LRRC4C: variants seen among roughly 807,000 people sequenced by gnomAD.
LRRC4C encodes the protein leucine rich repeat containing 4C, also known as leucine-rich repeat-containing protein 4C.
In LRRC4C, 5 loss-of-function variants were observed where a neutral mutation model predicts 33.6. The observed-to-expected ratio is 0.15, with a 90% CI of 0.08 to 0.31. The LOEUF (loss-of-function observed/expected upper bound fraction) is 0.31. Among genes scored for constraint, LRRC4C ranks in the 10% least tolerant of loss-of-function variants. The pLI is 1.00. For synonymous variants in LRRC4C, 329 were observed against 302.0 expected (o/e 1.09, Z -0.93); for missense variants, 560 against 796.7 (o/e 0.70, Z 3.58).
chr11:40,189,398 A>T (rs1376815198), intron 5 of LRRC4C, among the ~76,000 whole-genome samples: 5 of 152,110 alleles, frequency 3.3e-5, no homozygotes, highest in African/African-American at 1.2e-4. Context: ...ATTCCCTAGG[A>T]CAAAAAAATA....
At chr11:40,801,649 A>T (rs748134076) in intron 2 of LRRC4C, among the ~76,000 whole-genome samples, 13 of 152,128 alleles carry the variant, frequency 8.5e-5, no homozygotes, top group Non-Finnish European at 1.5e-4. Flanking sequence ...ATATCTAATA[A>T]TTTTTTAATC....
At chr11:40,220,899 A>G (rs1864362792) in intron 5 of LRRC4C, among the ~76,000 whole-genome samples, 1 of 148,316 alleles carries the variant, frequency 6.7e-6, no homozygotes, top group Non-Finnish European at 1.5e-5. Flanking sequence ...TTCTTGAGAC[A>G]GAGTCTTACT....
At chr11:40,386,539 A>G (rs1314658980) in intron 3 of LRRC4C, among the ~76,000 whole-genome samples, 2 of 152,184 alleles carry the variant, frequency 1.3e-5, no homozygotes, top group African/African-American at 4.8e-5. Flanking sequence ...TCTTTCTTCC[A>G]TCTAGTACTT....
At chr11:40,463,305 GGTGTGTGTGTGTGTGTGT>G (rs33911904) in intron 3 of LRRC4C, among the ~76,000 whole-genome samples, 5 of 144,594 alleles carry the variant, frequency 3.5e-5, no homozygotes, top group Admixed American at 2.1e-4. Context: ...ATGTGTTACT[GGTGTGTGTGTGTGTGTGT>G]GTGTGTGTGT....
At chr11:40,139,833 A>G (rs1434781519) in intron 6 of LRRC4C, among the ~76,000 whole-genome samples, 1 of 152,240 alleles carries the variant, frequency 6.6e-6, no homozygotes, top group Non-Finnish European at 1.5e-5. Context: ...TCCAAAATAA[A>G]CAACTACTTT....
intron 3 of LRRC4C, among the ~76,000 whole-genome samples, chr11:40,448,580 T>G (rs1437907914): frequency 6.6e-6 from 1 of 152,184 alleles, no homozygotes; most frequent in African/African-American, 2.4e-5. Context: ...GGACATGAAC[T>G]CATCCTTTTT....
intron 1 of LRRC4C, among the ~76,000 whole-genome samples, chr11:41,436,225 A>G (rs1955423495): frequency 6.6e-6 from 1 of 152,220 alleles, no homozygotes; most frequent in Admixed American, 6.5e-5. Flanking sequence ...TCCCAAATAT[A>G]GAAGACCCAG....
chr11:40,216,899 A>G (rs1443359786), intron 5 of LRRC4C, among the ~76,000 whole-genome samples: 1 of 152,156 alleles, frequency 6.6e-6, no homozygotes, highest in African/African-American at 2.4e-5. Flanking sequence ...ACAGGCAGAG[A>G]GCAGCAATCA....
chr11:41,456,660 C>G (rs970830343), intron 1 of LRRC4C, among the ~76,000 whole-genome samples: 1 of 152,094 alleles, frequency 6.6e-6, no homozygotes, highest in Non-Finnish European at 1.5e-5. Context: ...TTCTAGGGAA[C>G]TTTAGCCTTT....
chr11:40,280,744 G>A (rs529333786), intron 4 of LRRC4C, among the ~76,000 whole-genome samples: 1 of 152,096 alleles, frequency 6.6e-6, no homozygotes, highest in Non-Finnish European at 1.5e-5. Flanking sequence ...TGCCTGGAGC[G>A]ATTCAATTAA....
At chr11:40,829,925 G>A (rs961155401) in intron 2 of LRRC4C, among the ~76,000 whole-genome samples, 1 of 151,978 alleles carries the variant, frequency 6.6e-6, no homozygotes, top group African/African-American at 2.4e-5. Flanking sequence ...GAATTGCTAT[G>A]AAAACACTAA....
At chr11:40,126,780 G>C (rs1050089396) in intron 6 of LRRC4C, among the ~76,000 whole-genome samples, 1 of 151,908 alleles carries the variant, frequency 6.6e-6, no homozygotes, top group African/African-American at 2.4e-5. Flanking sequence ...GACCAACATG[G>C]AGGAACCCCA....
chr11:40,743,063 A>G (rs1362982580), intron 2 of LRRC4C, among the ~76,000 whole-genome samples: 4 of 152,174 alleles, frequency 2.6e-5, no homozygotes, highest in Admixed American at 6.5e-5. Context: ...AGCCCCTTAG[A>G]TTCTTTGGTG....
In LRRC4C at chr11:41,221,922, A is replaced by C. The variant is rs537403309; in HGVS notation, c.-496+237509T>G. ...CTTATTTCTTCTTCTAGGGCACGCT[A>C]CATCTTAAGAACTATCCACTCCAAC... On this transcript the variant is annotated intron_variant, in intron 1 of 6. Transcript: ENST00000528697. Among the ~76,000 whole-genome samples, 4 of 152,288 alleles carry C rather than the reference A, an allele frequency of 2.6e-5. No homozygotes were observed. In the South Asian group the frequency reaches 6.2e-4, roughly 24 times the overall value.
At chr11:40,765,942 A>T (rs776024327) in intron 2 of LRRC4C, among the ~76,000 whole-genome samples, 21 of 152,076 alleles carry the variant, frequency 1.4e-4, no homozygotes, top group South Asian at 2.1e-4. Flanking sequence ...AAATTCCCAA[A>T]CCTATAGAAG....
chr11:40,873,909 A>G (rs970182477), intron 2 of LRRC4C, among the ~76,000 whole-genome samples: 1 of 152,224 alleles, frequency 6.6e-6, no homozygotes, highest in Non-Finnish European at 1.5e-5. Flanking sequence ...CCCATCATTG[A>G]ATAGGATATT....
intron 3 of LRRC4C, among the ~76,000 whole-genome samples, chr11:40,498,526 C>T (rs1307067830): frequency 2.0e-5 from 3 of 152,120 alleles, no homozygotes; most frequent in South Asian, 2.1e-4. Context: ...TAGGTTTTAG[C>T]ATTAGCAAAC....
intron 1 of LRRC4C, among the ~76,000 whole-genome samples, chr11:41,457,567 A>G (rs773699500): frequency 6.6e-6 from 1 of 152,108 alleles, no homozygotes; most frequent in Non-Finnish European, 1.5e-5. Context: ...TTTTTCCATA[A>G]AGAAAATAAA....
chr11:41,117,219 A>C (rs569521418), intron 1 of LRRC4C, among the ~76,000 whole-genome samples: 1 of 152,316 alleles, frequency 6.6e-6, no homozygotes, highest in South Asian at 2.1e-4. Flanking sequence ...TGAGAACAGA[A>C]CTACCCAGCT....
Sources: gnomAD v4.1 joint callset for allele counts (sites outside exome capture counted in the v4.1 genomes callset) on GRCh38, gnomAD v4.1.1 for gene constraint, MANE v1.5 for transcripts, NCBI Gene and HGNC (gene_info 2026-07-23, HGNC 2026-07-21) for gene names.